LRRC4B: variants seen among roughly 807,000 people sequenced by gnomAD.
LRRC4B encodes the protein leucine rich repeat containing 4B.
LRRC4B carries 1 observed loss-of-function variant against 7.3 expected under a neutral mutation model. The observed-to-expected ratio is 0.14, with a 90% CI of 0.05 to 0.65. LRRC4B has a LOEUF of 0.65. Among genes scored for constraint, LRRC4B ranks in the 30% least tolerant of loss-of-function variants. The pLI is 0.84. For missense variants in LRRC4B, 730 were observed against 1,041.6 expected (o/e 0.70, Z 4.12); for synonymous variants, 500 against 499.2 (o/e 1.00, Z -0.02).
At chr19:50,526,373 G>A (rs894674941) in intron 2 of LRRC4B, among the ~76,000 whole-genome samples, 2 of 152,122 alleles carry the variant, frequency 1.3e-5, no homozygotes, top group Non-Finnish European at 2.9e-5. Flanking sequence ...CCTAGTTCCA[G>A]GGTCACTTAC....
chr19:50,567,672 G>A (rs1333477569), intron 1 of LRRC4B, among the ~76,000 whole-genome samples: 1 of 143,534 alleles, frequency 7.0e-6, no homozygotes, highest in Admixed American at 7.0e-5. Context: ...AGCGACCGCC[G>A]GACGCACCCC....
At chr19:50,532,579 A>G (rs990015773) in intron 2 of LRRC4B, among the ~76,000 whole-genome samples, 1 of 152,160 alleles carries the variant, frequency 6.6e-6, no homozygotes, top group Non-Finnish European at 1.5e-5. Context: ...TGTTCTCTGG[A>G]AAATTCCAAT....
rs891037165 is a variant in LRRC4B at position 50,517,498 on chromosome 19, C to T, written c.*73G>A. 5.4e-6 allele frequency: 7 copies of T among 1,301,148 alleles called. No homozygotes were observed. The South Asian group carries it at 1.5e-4, about 27-fold the overall frequency. The allele number at this position is 1,301,148 out of a possible 1,614,324, so 80.6% of individuals were successfully genotyped here. A position where few individuals can be genotyped will look rare whatever the true frequency, so the allele number is the denominator to read the frequency against. On this transcript the variant is annotated 3_prime_UTR_variant, in exon 3 of 3. Coordinates refer to ENST00000652263, the MANE Select transcript of LRRC4B (RefSeq NM_001080457.2). The surrounding 1 kb of genome is among the most constrained non-coding windows in gnomAD (Gnocchi z 6.6). ...GGGCTGGGCTGTGGGAGGGAGGGGT[C>T]CCGGTCAGGCTGCGCCCGGGCTGGG...
rs374469575 is a variant in LRRC4B, at chr19:50,556,791, A to C, written c.-35-7918T>G. ...CAGTTCCTCTGCTGGCACCCGAGGC[A>C]AGGAGCCCTGGGTCTCTAGGGAGGC... On this transcript the variant is annotated intron_variant, in intron 1 of 2. Transcript: ENST00000652263. This position sits in a 1 kb window ranked among gnomAD's most constrained non-coding sequence, Gnocchi z 4.2. Among the ~76,000 whole-genome samples the C allele has an allele frequency of 8.5e-5, 13 of 152,210 alleles. No homozygotes were observed. The highest frequency in any genetic ancestry group is 2.9e-4 in the African/African-American group (12 of 41,530).
At chr19:50,561,069 T>C (rs866592538) in intron 1 of LRRC4B, among the ~76,000 whole-genome samples, 13 of 152,194 alleles carry the variant, frequency 8.5e-5, no homozygotes, top group Middle Eastern at 3.4e-3. Context: ...CCAGCCTGGG[T>C]GACAGAGTGA....
intron 2 of LRRC4B, among the ~76,000 whole-genome samples, chr19:50,521,681 C>T (rs1568716800): frequency 6.6e-6 from 1 of 152,120 alleles, no homozygotes; most frequent in Non-Finnish European, 1.5e-5. Context: ...CCGCCTCAGC[C>T]TCCCAAAGTG....
At chr19:50,520,949 C>T (rs1173791089) in intron 2 of LRRC4B, among the ~76,000 whole-genome samples, 1 of 152,118 alleles carries the variant, frequency 6.6e-6, no homozygotes, top group Non-Finnish European at 1.5e-5. Context: ...TGGGTGTTCA[C>T]AGCATTTTTT....
At chr19:50,531,153 T>TC (rs1490022465) in intron 2 of LRRC4B, among the ~76,000 whole-genome samples, 1 of 152,170 alleles carries the variant, frequency 6.6e-6, no homozygotes, top group African/African-American at 2.4e-5. Context: ...CATGCCCACC[T>TC]CCTGCCTGCA....
Position 50,555,459 on chromosome 19 carries a change from C to G in LRRC4B, c.-35-6586G>C, listed in dbSNP as rs1162509751. On this transcript the variant is annotated intron_variant, in intron 1 of 2. Transcript: ENST00000652263. This position sits in a 1 kb window ranked among gnomAD's most constrained non-coding sequence, Gnocchi z 5.2. ...CCCCAAAGAGGAGAAGTACGAGGGG[C>G]AGAGAGTGGCAGAGTCACAGGGAGA... 6.5e-6 allele frequency: 1 copy of G among 153,180 alleles called. No homozygotes were observed. Among genetic ancestry groups the G allele is most frequent in the African/African-American group, 2.4e-5 (1 of 41,454 alleles). The allele number at this position is 153,180 out of a possible 1,614,324, so 9.5% of individuals were successfully genotyped here.
chr19:50,517,882 GC>G lies in LRRC4B; in HGVS notation c.1830del (p.Thr612ArgfsTer254). 1 of 1,595,416 alleles carries G rather than the reference GC, an allele frequency of 6.3e-7. No homozygotes were observed. On this transcript the variant is annotated frameshift_variant, in exon 3 of 3. Coordinates refer to ENST00000652263, the MANE Select transcript of LRRC4B (RefSeq NM_001080457.2). LOFTEE classifies it low-confidence loss of function (END_TRUNC). The surrounding 1 kb of genome is among the most constrained non-coding windows in gnomAD (Gnocchi z 6.6). Reference protein sequence around the residue: ...RKQHQLHKHHGPTRTVEIINV... With the variant: ...RKQHQLHKHHXPTRTVEIINV... ...TTGATGATCTCCACGGTGCGCGTGG[GC>G]CCGTGGTGCTTGTGGAGCTGGTGCT...
intron 2 of LRRC4B, among the ~76,000 whole-genome samples, chr19:50,523,557 A>G (rs1980673187): frequency 6.6e-6 from 1 of 151,944 alleles, no homozygotes; most frequent in South Asian, 2.1e-4. Flanking sequence ...GGGTGCCTGT[A>G]ATCCCAGTTA....
At chr19:50,549,143 G>A (rs1981946580) in intron 1 of LRRC4B, among the ~76,000 whole-genome samples, 1 of 152,228 alleles carries the variant, frequency 6.6e-6, no homozygotes, top group Admixed American at 6.5e-5. Flanking sequence ...ACTGAGGCTG[G>A]GGGAGAGGAA....
chr19:50,541,695 G>A (rs779324403), intron 2 of LRRC4B, among the ~76,000 whole-genome samples: 11 of 152,192 alleles, frequency 7.2e-5, no homozygotes, highest in African/African-American at 1.9e-4. Flanking sequence ...ACCCAGAGCC[G>A]CCCGCTAAAA....
rs1249533299 is a variant in LRRC4B at position 50,537,666 on chromosome 19, C to T, written c.297+10876G>A. Among the ~76,000 whole-genome samples the T allele has an allele frequency of 2.0e-5, 3 of 152,180 alleles. No homozygotes were observed. The highest frequency in any genetic ancestry group is 2.9e-5 in the Non-Finnish European group (2 of 68,020). On this transcript the variant is annotated intron_variant, in intron 2 of 2. Coordinates refer to ENST00000652263, the MANE Select transcript of LRRC4B (RefSeq NM_001080457.2). The surrounding 1 kb of genome is among the most constrained non-coding windows in gnomAD (Gnocchi z 5.5). ...TAACTTTAACAGGTGTGAGCCACCG[C>T]GCCCGGCCGACTGTTCTTTTCTGTA...
intron 2 of LRRC4B, among the ~76,000 whole-genome samples, chr19:50,545,655 T>G (rs1292322876): frequency 6.6e-6 from 1 of 151,960 alleles, no homozygotes; most frequent in African/African-American, 2.4e-5. Flanking sequence ...CAGTAGTTAT[T>G]TATATCTGGT....
At chr19:50,544,969 G>A (rs970032109) in intron 2 of LRRC4B, among the ~76,000 whole-genome samples, 5 of 152,008 alleles carry the variant, frequency 3.3e-5, no homozygotes, top group Admixed American at 6.6e-5. Context: ...AAAATTAGCC[G>A]GACGTGGTGG....
intron 1 of LRRC4B, among the ~76,000 whole-genome samples, chr19:50,567,067 T>A (rs1465893220): frequency 6.8e-6 from 1 of 146,470 alleles, no homozygotes; most frequent in Non-Finnish European, 1.5e-5. Context: ...GCAGATGCCG[T>A]GTCTTAGAAG....
intron 2 of LRRC4B, among the ~76,000 whole-genome samples, chr19:50,521,983 C>G (rs1250326439): frequency 6.6e-6 from 1 of 152,138 alleles, no homozygotes; most frequent in Non-Finnish European, 1.5e-5. Flanking sequence ...GAAGACAATC[C>G]TGGTCAACAA....
At chr19:50,542,890 C>T (rs1481031402) in intron 2 of LRRC4B, among the ~76,000 whole-genome samples, 2 of 152,164 alleles carry the variant, frequency 1.3e-5, no homozygotes, top group African/African-American at 4.8e-5. Context: ...AACGTTCTAG[C>T]TTCCCAGAGA....
Sources: gnomAD v4.1 joint callset for allele counts (sites outside exome capture counted in the v4.1 genomes callset) on GRCh38, gnomAD v4.1.1 for gene constraint, Gnocchi (gnomAD v3.1) non-coding constraint, MANE v1.5 for transcripts, NCBI Gene and HGNC (gene_info 2026-07-23, HGNC 2026-07-21) for gene names.